The following SLC25A40 variants were observed in gnomAD, a reference collection of about 807,000 sequenced individuals.
SLC25A40 encodes the protein solute carrier family 25 member 40.
Under a neutral mutation model 46.5 loss-of-function variants are expected in SLC25A40, and 41 were observed. That is an observed-to-expected ratio of 0.88 (90% CI 0.69 to 1.14). The LOEUF (loss-of-function observed/expected upper bound fraction) is 1.14, where lower values mean the gene tolerates loss of function less well. Ranked by LOEUF, SLC25A40 falls within the 50% of genes most tolerant of loss-of-function variation. The pLI is 0.00. For synonymous variants in SLC25A40, 126 were observed against 127.5 expected (o/e 0.99, Z 0.08); for missense variants, 386 against 393.6 (o/e 0.98, Z 0.16).
chr7:87,849,754 A>G, intron 6 of SLC25A40, 127 bp downstream of exon 6: 2 of 668,920 alleles, frequency 3.0e-6, no homozygotes, highest in Non-Finnish European at 4.7e-6. Flanking sequence ...TGTGAGGCTT[A>G]AAAAACAATA....
intron 10 of SLC25A40, among the ~76,000 whole-genome samples, chr7:87,840,028 T>C (rs1838308346): frequency 6.6e-6 from 1 of 151,756 alleles, no homozygotes; most frequent in Admixed American, 6.6e-5. Flanking sequence ...ACAAGTGCAA[T>C]TTCAACTGAA....
chr7:87,850,045 T>C, intron 5 of SLC25A40, 97 bp from the exon 6 acceptor site: 1 of 749,842 alleles, frequency 1.3e-6, no homozygotes. Context: ...CTTTCAGGTA[T>C]TTATATCTAA....
At chr7:87,849,031 T>A (rs1838466290) in intron 6 of SLC25A40, among the ~76,000 whole-genome samples, 1 of 152,212 alleles carries the variant, frequency 6.6e-6, no homozygotes, top group Admixed American at 6.5e-5. Context: ...TTACATTCAA[T>A]ATTAACAGTT....
rs1838239343 is a variant in SLC25A40, at chr7:87,835,241, G to T, written c.*1008C>A. The T allele has an allele frequency of 6.6e-6, 1 of 151,546 alleles. No individual in the cohort carries two copies. The highest frequency in any genetic ancestry group is 1.5e-5 in the Non-Finnish European group (1 of 67,650). The allele number at this position is 151,546 out of a possible 1,614,324, so 9.4% of individuals were successfully genotyped here. On this transcript the variant is annotated 3_prime_UTR_variant, in exon 12 of 12. Coordinates refer to ENST00000341119, the MANE Select transcript of SLC25A40 (RefSeq NM_018843.4). ...AATTATTTAGACATGTATGGTGACTGAAAGCAATGTCTTCAAGGAAACAGC... is the reference window on the plus strand; with the variant it reads ...AATTATTTAGACATGTATGGTGACTTAAAGCAATGTCTTCAAGGAAACAGC...
At chr7:87,841,795 A>G in intron 9 of SLC25A40, 81 bp from the exon 10 acceptor site, 1 of 733,380 alleles carries the variant, frequency 1.4e-6, no homozygotes, top group Non-Finnish European at 2.1e-6. Flanking sequence ...TTATTAGTAT[A>G]TTATTTAAGG....
intron 1 of SLC25A40, among the ~76,000 whole-genome samples, chr7:87,863,976 T>C (rs1024648930): frequency 6.6e-6 from 1 of 152,216 alleles, no homozygotes; most frequent in Non-Finnish European, 1.5e-5. Flanking sequence ...CCGGCTTATT[T>C]CAATTAACAT....
In SLC25A40 at chr7:87,856,294, T is replaced by C; in HGVS notation, c.155A>G (p.Lys52Arg). 1.9e-6 allele frequency: 3 copies of C among 1,611,188 alleles called. No individual in the cohort carries two copies. Among genetic ancestry groups the C allele is most frequent in the South Asian group, 1.1e-5 (1 of 90,946 alleles). The change falls in exon 4 of 12, where the codon AAA becomes AGA. Residue 52 changes from lysine to arginine, a missense_variant and splice_region_variant. Coordinates refer to ENST00000341119, the MANE Select transcript of SLC25A40 (RefSeq NM_018843.4). ...RLQAQNNPLP[K>R]GKCFVYSNGL... ...TTTAGGGCAATTAGTACACATACCT[T>C]TGGGGAGTGGGTTGTTTTGGGCTTG...
Position 87,839,626 on chromosome 7 carries a change from T to C in SLC25A40, c.823+2007A>G, listed in dbSNP as rs114938313. Reference sequence around the variant, plus strand: ...AATTAGGTAAAAGTTATTTCTGTTATAGGATATGGCATTTACTACATGCTA... The same window carrying C: ...AATTAGGTAAAAGTTATTTCTGTTACAGGATATGGCATTTACTACATGCTA... On this transcript the variant is annotated intron_variant, in intron 10 of 11. Transcript: ENST00000341119. Among the ~76,000 whole-genome samples the C allele has an allele frequency of 4.9e-3, 744 of 151,828 alleles. 7 individuals carry two copies. The highest frequency in any genetic ancestry group is 0.017 in the African/African-American group (712 of 41,530).
intron 5 of SLC25A40, among the ~76,000 whole-genome samples, chr7:87,853,615 G>A (rs556506952): frequency 6.6e-6 from 1 of 152,240 alleles, no homozygotes; most frequent in East Asian, 1.9e-4. Context: ...AGGAACAAAT[G>A]ATTGACACAT....
chr7:87,850,932 T>C (rs901517387), intron 5 of SLC25A40, among the ~76,000 whole-genome samples: 2 of 152,134 alleles, frequency 1.3e-5, no homozygotes, highest in African/African-American at 2.4e-5. Context: ...TGTGAAGAAA[T>C]TGGAACCCTT....
intron 7 of SLC25A40, 73 bp from the exon 8 acceptor site, chr7:87,847,195 A>G (rs1838434870): frequency 9.0e-7 from 1 of 1,106,494 alleles, no homozygotes; most frequent in South Asian, 3.1e-5. Context: ...TACTGTAAAA[A>G]TTAATATTCA....
Position 87,846,990 on chromosome 7 carries a change from C to T in SLC25A40, c.590G>A (p.Arg197Lys). The change falls in exon 8 of 12, where the codon AGG becomes AAG. Residue 197 changes from arginine to lysine, a missense_variant. Physicochemically the swap from Arg to Lys is conservative, Grantham distance 26. Transcript: ENST00000341119. ...TCTAAGAACAGTAGGAGCCCAGCCC[C>T]TCCAAAGGGAAATCCAACCATCTTC... ...VSEDGWISLW[R>K]GWAPTVLRDV... The T allele has an allele frequency of 6.2e-7, 1 of 1,613,706 alleles. No individual in the cohort carries two copies. Among genetic ancestry groups the T allele is most frequent in the Non-Finnish European group, 8.5e-7 (1 of 1,179,794 alleles).
intron 4 of SLC25A40, among the ~76,000 whole-genome samples, chr7:87,855,424 T>C (rs1426949385): frequency 1.3e-5 from 2 of 152,170 alleles, no homozygotes; most frequent in African/African-American, 4.8e-5. Context: ...GTCTAGCCAT[T>C]TGTCACATTC....
chr7:87,840,422 A>G (rs1838314526), intron 10 of SLC25A40, among the ~76,000 whole-genome samples: 1 of 151,774 alleles, frequency 6.6e-6, no homozygotes, highest in Admixed American at 6.6e-5. Context: ...GTGGCTCCCA[A>G]ACTTTAGTGT....
intron 1 of SLC25A40, among the ~76,000 whole-genome samples, chr7:87,863,246 A>G (rs1479167450): frequency 6.6e-6 from 1 of 152,156 alleles, no homozygotes. Context: ...CACATCTTAA[A>G]TTGTAGTTCC....
chr7:87,862,871 G>T (rs1039238467), intron 1 of SLC25A40, among the ~76,000 whole-genome samples: 1 of 152,114 alleles, frequency 6.6e-6, no homozygotes, highest in Non-Finnish European at 1.5e-5. Flanking sequence ...ATCAGATTTC[G>T]TGAGAGGTAT....
At chr7:87,849,308 G>A (rs1307016565) in intron 6 of SLC25A40, among the ~76,000 whole-genome samples, 1 of 152,118 alleles carries the variant, frequency 6.6e-6, no homozygotes, top group Non-Finnish European at 1.5e-5. Context: ...ATATCCCCAG[G>A]AGTATTCCCC....
chr7:87,844,711 A>ATTTTT, intron 8 of SLC25A40, among the ~76,000 whole-genome samples: 1 of 152,236 alleles, frequency 6.6e-6, no homozygotes, highest in Non-Finnish European at 1.5e-5. Flanking sequence ...AGCTAATAGA[A>ATTTTT]AAAAATCAAT....
At chr7:87,866,594 G>A (rs1475785316) in intron 1 of SLC25A40, among the ~76,000 whole-genome samples, 1 of 152,190 alleles carries the variant, frequency 6.6e-6, no homozygotes, top group African/African-American at 2.4e-5. Flanking sequence ...GTCCTCTGAG[G>A]AGAAACGTCT....
Sources: gnomAD v4.1 joint callset for allele counts (sites outside exome capture counted in the v4.1 genomes callset) on GRCh38, gnomAD v4.1.1 for gene constraint, MANE v1.5 for transcripts, NCBI Gene and HGNC (gene_info 2026-07-23, HGNC 2026-07-21) for gene names.